RPF2: variants seen among roughly 807,000 people sequenced by gnomAD.
The protein encoded by RPF2 is ribosome production factor 2 homolog.
Under a neutral mutation model 38.9 loss-of-function variants are expected in RPF2, and 21 were observed. The ratio of observed to expected loss-of-function variants is 0.54; its 90% CI spans 0.38 to 0.78. The LOEUF is 0.78. Among genes scored for constraint, RPF2 ranks in the 30% least tolerant of loss-of-function variants. The pLI is 0.00. For missense variants in RPF2, 314 were observed against 358.1 expected (o/e 0.88, Z 0.99); for synonymous variants, 121 against 126.2 (o/e 0.96, Z 0.28).
chr6:110,996,532 G>T (rs957950560), intron 4 of RPF2, among the ~76,000 whole-genome samples: 1 of 152,124 alleles, frequency 6.6e-6, no homozygotes, highest in African/African-American at 2.4e-5. Flanking sequence ...GATATCCTGC[G>T]AGTAAAAGGA....
At chr6:110,994,278 T>TAA (rs5879084) in intron 4 of RPF2, among the ~76,000 whole-genome samples, 4 of 135,266 alleles carry the variant, frequency 3.0e-5, no homozygotes, top group African/African-American at 5.4e-5. Context: ...TCCATCTCAA[T>TAA]AAAAAAAAAA....
Position 110,982,957 on chromosome 6 carries a change from A to G in RPF2, c.23+828A>G, listed in dbSNP as rs9481133. Reference sequence around the variant, plus strand: ...TGCATTTGTTGCTGTTTAATGAGATACAAAAGATAGAATAATTTGTATCTT... The same window carrying G: ...TGCATTTGTTGCTGTTTAATGAGATGCAAAAGATAGAATAATTTGTATCTT... On this transcript the variant is annotated intron_variant, in intron 1 of 9. Transcript: ENST00000441448. Among the ~76,000 whole-genome samples, 1,152 of 152,380 alleles carry G rather than the reference A, an allele frequency of 7.6e-3. 24 individuals are homozygous for G. Among genetic ancestry groups the G allele is most frequent in the African/African-American group, 0.027 (1,104 of 41,586 alleles).
At chr6:110,996,124 GT>G (rs35806882) in intron 4 of RPF2, among the ~76,000 whole-genome samples, 29,075 of 122,532 alleles carry the variant, frequency 0.24, 3,407 homozygotes, top group East Asian at 0.65. Flanking sequence ...AGCCAGATAA[GT>G]TTTTTTTTTT....
chr6:111,012,336 A>C (rs973555106), intron 7 of RPF2, among the ~76,000 whole-genome samples: 1 of 151,776 alleles, frequency 6.6e-6, no homozygotes, highest in Admixed American at 6.6e-5. Context: ...ACGCCCAGCT[A>C]ATTTTTTTTA....
intron 6 of RPF2, among the ~76,000 whole-genome samples, chr6:111,001,473 G>A (rs1771810979): frequency 6.6e-6 from 1 of 152,002 alleles, no homozygotes; most frequent in African/African-American, 2.4e-5. Flanking sequence ...GACCTCCTGG[G>A]CTCAAGCAAT....
intron 7 of RPF2, among the ~76,000 whole-genome samples, chr6:111,011,698 C>T (rs928267097): frequency 6.6e-6 from 1 of 152,118 alleles, no homozygotes; most frequent in African/African-American, 2.4e-5. Flanking sequence ...CTAGGTCTCC[C>T]ATATAATTGT....
In RPF2 at chr6:111,015,786, C is replaced by G. The variant is rs202181813; in HGVS notation, c.526C>G (p.Arg176Gly). 6.2e-7 allele frequency: 1 copy of G among 1,612,506 alleles called. No homozygotes were observed. The highest frequency in any genetic ancestry group is 1.7e-5 in the Admixed American group (1 of 60,020). Residue 176 changes from arginine to glycine, a missense_variant, in exon 8 of 10, where the codon CGC becomes GGC. Physicochemically the swap from Arg to Gly is moderately radical, Grantham distance 125. Coordinates refer to ENST00000441448, the MANE Select transcript of RPF2 (RefSeq NM_032194.3). The part of the protein sequence containing the change: ...FFRGPTVSNI[R>G]LAGLEYVLHF... Reference sequence around the variant, plus strand: ...CAGAGGCCCCACAGTATCAAATATCCGCCTGGCTGGATTAGAGTATGTTCT... The same window carrying G: ...CAGAGGCCCCACAGTATCAAATATCGGCCTGGCTGGATTAGAGTATGTTCT...
intron 1 of RPF2, 182 bp downstream of exon 1, chr6:110,982,311 C>A: frequency 1.5e-6 from 1 of 665,380 alleles, no homozygotes; most frequent in Non-Finnish European, 2.7e-6. Flanking sequence ...AGTGGGGAAG[C>A]TCTCAAGTGG....
chr6:110,999,774 TA>T lies in RPF2; in HGVS notation c.384del (p.Asp129ThrfsTer15). 1 of 1,558,874 alleles carries T rather than the reference TA, an allele frequency of 6.4e-7. No homozygotes were observed. Among genetic ancestry groups the T allele is most frequent in the Non-Finnish European group, 8.8e-7 (1 of 1,129,986 alleles). On this transcript the variant is annotated frameshift_variant, in exon 6 of 10. Transcript: ENST00000441448. LOFTEE classifies it high-confidence loss of function. ...IELGIENFVS[L>X]KDIKNSKCPE... ...TTAGGTATTGAGAATTTTGTCTCTCTAAAAGACATTAAGGTAAGATACTCAT... is the reference window on the plus strand; with the variant it reads ...TTAGGTATTGAGAATTTTGTCTCTCTAAAGACATTAAGGTAAGATACTCAT...
intron 4 of RPF2, among the ~76,000 whole-genome samples, chr6:110,993,360 G>A (rs1291234643): frequency 3.3e-5 from 5 of 151,854 alleles, no homozygotes; most frequent in Admixed American, 1.3e-4. Context: ...TGATAAATTA[G>A]ATTAAAATCA....
At chr6:111,009,562 C>A (rs1457177210) in intron 7 of RPF2, among the ~76,000 whole-genome samples, 1 of 152,188 alleles carries the variant, frequency 6.6e-6, no homozygotes, top group Non-Finnish European at 1.5e-5. Context: ...TTCATATACA[C>A]TGCTTCATTC....
At chr6:110,984,968 A>G (rs1583256276) in intron 1 of RPF2, 38 bp from the exon 2 acceptor site, 1 of 1,564,352 alleles carries the variant, frequency 6.4e-7, no homozygotes, top group East Asian at 2.3e-5. Context: ...ATGTGAGGAA[A>G]ATGTTTAAAT....
rs559107714 is a variant in RPF2 at position 111,020,016 on chromosome 6, G to A, written c.596+4160G>A. ...TTCAGCCTCTGCCTCCCGGGTTCAT[G>A]CCATTCTCCTGCCTCAGCCTCCCAA... On this transcript the variant is annotated intron_variant, in intron 8 of 9. Transcript: ENST00000441448. 5.3e-5 allele frequency among the ~76,000 whole-genome samples: 8 copies of A among 151,526 alleles called. No individual in the cohort carries two copies. The South Asian group carries it at 1.5e-3, about 28-fold the overall frequency.
intron 5 of RPF2, among the ~76,000 whole-genome samples, chr6:110,998,040 G>A (rs538213279): frequency 6.6e-6 from 1 of 152,140 alleles, no homozygotes; most frequent in Non-Finnish European, 1.5e-5. Context: ...GAGTAGCTGG[G>A]ACTACAAGTG....
intron 5 of RPF2, among the ~76,000 whole-genome samples, chr6:110,999,386 GA>G (rs1771774622): frequency 6.6e-6 from 1 of 152,018 alleles, no homozygotes; most frequent in African/African-American, 2.4e-5. Context: ...AAATAGATTT[GA>G]AAAAGAACCT....
At position 111,005,720 on chromosome 6, in the gene RPF2, C is replaced by T. The variant is rs185701305; in HGVS notation, c.394-2318C>T. Among the ~76,000 whole-genome samples the T allele has an allele frequency of 6.7e-3, 1,021 of 152,166 alleles. 11 individuals are homozygous for T. Among genetic ancestry groups the T allele is most frequent in the African/African-American group, 0.018 (739 of 41,516 alleles). On this transcript the variant is annotated intron_variant, in intron 6 of 9. Coordinates refer to ENST00000441448, the MANE Select transcript of RPF2 (RefSeq NM_032194.3). ...GCACGGCTCATGGCAGCCTGGACTT[C>T]CCTGGGCTCAAGTGATCCTTCCACC...
chr6:110,989,129 T>C, intron 3 of RPF2, 64 bp downstream of exon 3: 1 of 1,404,324 alleles, frequency 7.1e-7, no homozygotes, highest in Non-Finnish European at 9.4e-7. Flanking sequence ...GTAACCACTT[T>C]ATGGAAGATT....
chr6:111,015,648 T>A, intron 7 of RPF2, 106 bp from the exon 8 acceptor site: 1 of 741,004 alleles, frequency 1.3e-6, no homozygotes, highest in Non-Finnish European at 2.3e-6. Context: ...TTTTTTGTGC[T>A]TTTTTAGATA....
intron 7 of RPF2, among the ~76,000 whole-genome samples, chr6:111,008,916 T>TTTTTTTTTTTTTA (rs1299956032): frequency 9.8e-5 from 14 of 142,158 alleles, no homozygotes; most frequent in African/African-American, 3.7e-4. Flanking sequence ...TTTTTTTTTT[T>TTTTTTTTTTTTTA]AAAGATAGAG....
Sources: gnomAD v4.1 joint callset for allele counts (sites outside exome capture counted in the v4.1 genomes callset) on GRCh38, gnomAD v4.1.1 for gene constraint, MANE v1.5 for transcripts, NCBI Gene and HGNC (gene_info 2026-07-23, HGNC 2026-07-21) for gene names.